GATB: variants seen among roughly 807,000 people sequenced by gnomAD.
GATB encodes the protein glutamyl-tRNA(Gln) amidotransferase subunit B, mitochondrial.
In GATB, 39 loss-of-function variants were observed where a neutral mutation model predicts 62.3. The ratio of observed to expected loss-of-function variants is 0.63; its 90% confidence interval spans 0.48 to 0.82. The LOEUF (loss-of-function observed/expected upper bound fraction) is 0.82, where lower values mean the gene tolerates loss of function less well. Ranked by LOEUF, GATB falls within the 40% of genes least tolerant of loss-of-function variation. GATB has a pLI of 0.00. For synonymous variants in GATB, 276 were observed against 258.9 expected (o/e 1.07, Z -0.63); for missense variants, 670 against 684.0 (o/e 0.98, Z 0.23).
chr4:151,741,048 C>T (rs1250328426), intron 2 of GATB, among the ~76,000 whole-genome samples: 2 of 152,066 alleles, frequency 1.3e-5, no homozygotes, highest in Non-Finnish European at 2.9e-5. Context: ...CAGGAGTGCC[C>T]CCTTATCCAT....
intron 2 of GATB, among the ~76,000 whole-genome samples, chr4:151,740,370 G>GTA (rs1739459788): frequency 6.6e-6 from 1 of 152,188 alleles, no homozygotes; most frequent in African/African-American, 2.4e-5. Flanking sequence ...AGGCTACAGG[G>GTA]TATAGCCTAT....
At chr4:151,679,747 G>T in intron 11 of GATB, 66 bp downstream of exon 11, 1 of 1,276,404 alleles carries the variant, frequency 7.8e-7, no homozygotes, top group Non-Finnish European at 1.1e-6. Flanking sequence ...GATGGCATTT[G>T]GGTGTCACAG....
At chr4:151,721,007 G>A (rs1739020989) in intron 2 of GATB, 1 of 152,584 alleles carries the variant, frequency 6.6e-6, no homozygotes, top group Admixed American at 6.5e-5. Context: ...GGGAAGCCAA[G>A]GCGGGTATAT....
chr4:151,678,554 G>C (rs1252713314), intron 11 of GATB, among the ~76,000 whole-genome samples: 1 of 152,030 alleles, frequency 6.6e-6, no homozygotes, highest in Non-Finnish European at 1.5e-5. Flanking sequence ...CTGACATCCA[G>C]ACAAGCAAGA....
At chr4:151,676,624 G>A (rs2126953916) in intron 11 of GATB, 1 of 152,372 alleles carries the variant, frequency 6.6e-6, no homozygotes. Context: ...CTTTAGTGAG[G>A]GGAGGAGACG....
chr4:151,670,967 G>GGT lies in GATB; in HGVS notation c.*205_*206dup. The GGT allele has an allele frequency of 1.8e-6, 1 of 570,062 alleles. No homozygotes were observed. Among genetic ancestry groups the GGT allele is most frequent in the East Asian group, 2.8e-5 (1 of 35,546 alleles). The allele number at this position is 570,062 out of a possible 1,614,324, so 35.3% of individuals were successfully genotyped here. A position where few individuals can be genotyped will look rare whatever the true frequency, so the allele number is the denominator to read the frequency against. ...CTCCTGATGTGGATGAAGCAGGCGG[G>GGT]GTGGCTGCTGGTCGGCTGTGGAGGC... On this transcript the variant is annotated 3_prime_UTR_variant, in exon 13 of 13. Transcript: ENST00000263985.
chr4:151,733,902 C>G (rs1441148436), intron 2 of GATB, among the ~76,000 whole-genome samples: 1 of 152,128 alleles, frequency 6.6e-6, no homozygotes, highest in East Asian at 1.9e-4. Flanking sequence ...TCCAGCATCC[C>G]TTTATAATTA....
At chr4:151,735,836 G>A (rs577086260) in intron 2 of GATB, among the ~76,000 whole-genome samples, 24 of 150,676 alleles carry the variant, frequency 1.6e-4, no homozygotes, top group African/African-American at 3.4e-4. Context: ...AGACTAAGGC[G>A]TAAGAATGAT....
intron 5 of GATB, among the ~76,000 whole-genome samples, chr4:151,714,513 T>C (rs1738877855): frequency 6.6e-6 from 1 of 152,246 alleles, no homozygotes; most frequent in African/African-American, 2.4e-5. Context: ...GTTGGATTTG[T>C]ATTTAAAAGA....
intron 2 of GATB, among the ~76,000 whole-genome samples, chr4:151,737,439 A>T (rs553160561): frequency 6.6e-6 from 1 of 152,272 alleles, no homozygotes; most frequent in African/African-American, 2.4e-5. Context: ...TGTTAAAGGC[A>T]CTCCGTTTTA....
intron 5 of GATB, 60 bp from the exon 6 acceptor site, chr4:151,708,161 A>G: frequency 8.7e-7 from 1 of 1,144,584 alleles, no homozygotes; most frequent in Admixed American, 1.8e-5. Flanking sequence ...AGTCTTTTAA[A>G]GGCAGGGAGT....
Position 151,756,617 on chromosome 4 carries a change from T to G in GATB, c.327+2155A>C, listed in dbSNP as rs536057416. ...AATCCTAGCTCATACAAAACTGTATTTCCAGACTTTGTCTGCCATTTAATT... is the reference window on the plus strand; with the variant it reads ...AATCCTAGCTCATACAAAACTGTATGTCCAGACTTTGTCTGCCATTTAATT... On this transcript the variant is annotated intron_variant, in intron 2 of 12. Coordinates refer to ENST00000263985, the MANE Select transcript of GATB (RefSeq NM_004564.3). 2.0e-5 allele frequency among the ~76,000 whole-genome samples: 3 copies of G among 152,330 alleles called. No individual in the cohort carries two copies. The South Asian group carries it at 6.2e-4, about 32-fold the overall frequency.
chr4:151,704,780 G>A (rs1261688099), intron 7 of GATB, among the ~76,000 whole-genome samples: 3 of 149,836 alleles, frequency 2.0e-5, no homozygotes, highest in East Asian at 2.0e-4. Context: ...GAGGAGTCTC[G>A]CTCTGTCGCC....
At chr4:151,702,953 A>G (rs1373450124) in intron 8 of GATB, among the ~76,000 whole-genome samples, 1 of 152,146 alleles carries the variant, frequency 6.6e-6, no homozygotes, top group East Asian at 1.9e-4. Flanking sequence ...GCAGCTCACT[A>G]TCATTTGAGG....
chr4:151,742,744 A>G (rs1310663067), intron 2 of GATB, among the ~76,000 whole-genome samples: 1 of 152,134 alleles, frequency 6.6e-6, no homozygotes, highest in African/African-American at 2.4e-5. Context: ...AAAGAGATGC[A>G]CTCTCAACAA....
At chr4:151,682,234 T>C (rs1332231586) in intron 10 of GATB, among the ~76,000 whole-genome samples, 2 of 152,138 alleles carry the variant, frequency 1.3e-5, no homozygotes, top group Non-Finnish European at 1.5e-5. Flanking sequence ...GTCATCATAT[T>C]TGTGTCACAG....
chr4:151,725,420 T>G (rs1012064484), intron 2 of GATB, among the ~76,000 whole-genome samples: 2 of 152,248 alleles, frequency 1.3e-5, no homozygotes, highest in African/African-American at 4.8e-5. Context: ...CAGTTCTATG[T>G]TCATTTCTGT....
At chr4:151,729,815 G>T (rs1232562648) in intron 2 of GATB, among the ~76,000 whole-genome samples, 4 of 152,154 alleles carry the variant, frequency 2.6e-5, no homozygotes, top group African/African-American at 9.7e-5. Context: ...AGAGAAGAAG[G>T]AGAGTCCCTA....
At chr4:151,679,173 C>T (rs1024758988) in intron 11 of GATB, among the ~76,000 whole-genome samples, 2 of 152,204 alleles carry the variant, frequency 1.3e-5, no homozygotes, top group African/African-American at 2.4e-5. Flanking sequence ...GGATTACAGG[C>T]GTGAGCCACT....
Sources: allele counts gnomAD v4.1 joint callset (sites outside exome capture counted in the v4.1 genomes callset), GRCh38; gene constraint gnomAD v4.1.1; transcripts MANE v1.5; gene names NCBI Gene and HGNC (gene_info 2026-07-23, HGNC 2026-07-21).